SLC9A9: variants seen among roughly 807,000 people sequenced by gnomAD.
The protein encoded by SLC9A9 is sodium/hydrogen exchanger 9.
A neutral mutation model predicts 77.8 loss-of-function variants in SLC9A9; 62 were observed. That is an observed-to-expected ratio of 0.80 (90% CI 0.65 to 0.98). SLC9A9 has a LOEUF of 0.98. Among genes scored for constraint, SLC9A9 ranks in the 50% least tolerant of loss-of-function variants. SLC9A9 has a pLI of 0.00. For missense variants in SLC9A9, 775 were observed against 774.9 expected, an observed-to-expected ratio of 1.00 and a Z score of 0.00; for synonymous variants, 320 against 283.5, an observed-to-expected ratio of 1.13 and a Z score of -1.29.
intron 12 of SLC9A9, among the ~76,000 whole-genome samples, chr3:143,418,602 C>CA (rs1306685666): frequency 5.3e-5 from 8 of 152,198 alleles, no homozygotes; most frequent in East Asian, 3.9e-4. Flanking sequence ...CAGTGTGAAA[C>CA]AAAGTCCTCA....
chr3:143,428,716 T>TA (rs2034451213), intron 12 of SLC9A9, among the ~76,000 whole-genome samples: 1 of 151,662 alleles, frequency 6.6e-6, no homozygotes, highest in Admixed American at 6.6e-5. Context: ...GACAGACACA[T>TA]ACACACACAC....
chr3:143,563,041 C>T (rs1484299739), intron 8 of SLC9A9, among the ~76,000 whole-genome samples: 2 of 152,122 alleles, frequency 1.3e-5, no homozygotes, highest in Non-Finnish European at 2.9e-5. Flanking sequence ...AAAGGATTGA[C>T]TGCAGGGACT....
chr3:143,767,849 G>T (rs1463866558), intron 4 of SLC9A9, among the ~76,000 whole-genome samples: 1 of 152,144 alleles, frequency 6.6e-6, no homozygotes, highest in Non-Finnish European at 1.5e-5. Flanking sequence ...TAAAGAGGAA[G>T]TTTAATGATT....
intron 2 of SLC9A9, among the ~76,000 whole-genome samples, chr3:143,801,963 C>A (rs947103470): frequency 2.0e-5 from 3 of 152,188 alleles, no homozygotes; most frequent in Admixed American, 2.0e-4. Flanking sequence ...CGCTTTACTT[C>A]CAAAAGAAGC....
At chr3:143,506,893 A>G (rs2036028924) in intron 9 of SLC9A9, among the ~76,000 whole-genome samples, 1 of 152,208 alleles carries the variant, frequency 6.6e-6, no homozygotes, top group African/African-American at 2.4e-5. Context: ...CTGTGCAGAA[A>G]TTAAAATCGT....
In SLC9A9 at chr3:143,462,969, C is replaced by T. The variant is rs141368690; in HGVS notation, c.1469+4068G>A. On this transcript the variant is annotated intron_variant, in intron 12 of 15. Coordinates refer to ENST00000316549, the MANE Select transcript of SLC9A9 (RefSeq NM_173653.4). ...GGCAGTTGTCAACCACCCTGGGAAG[C>T]GGCTACTATCATCATCCCCATTTTA... is the stretch of plus-strand genomic sequence containing the variant. 2.8e-3 allele frequency among the ~76,000 whole-genome samples: 426 copies of T among 152,238 alleles called. 1 individual carries two copies. Among genetic ancestry groups the T allele is most frequent in the Middle Eastern group, 0.014 (4 of 292 alleles).
intron 9 of SLC9A9, among the ~76,000 whole-genome samples, chr3:143,548,938 AG>A (rs2036835857): frequency 6.6e-6 from 1 of 152,220 alleles, no homozygotes; most frequent in Non-Finnish European, 1.5e-5. Context: ...TATAACTCAA[AG>A]GTGATTTACA....
At chr3:143,527,920 T>A (rs1219531305) in intron 9 of SLC9A9, among the ~76,000 whole-genome samples, 1 of 152,172 alleles carries the variant, frequency 6.6e-6, no homozygotes, top group Non-Finnish European at 1.5e-5. Context: ...TGGAACAAGG[T>A]GAGAGGCATT....
intron 9 of SLC9A9, among the ~76,000 whole-genome samples, chr3:143,501,980 C>T (rs1198490431): frequency 2.0e-5 from 3 of 150,740 alleles, no homozygotes; most frequent in African/African-American, 7.5e-5. Context: ...ACTTATTGGT[C>T]AATTTTGGAT....
chr3:143,388,941 T>C (rs916083387), intron 12 of SLC9A9, among the ~76,000 whole-genome samples: 1 of 152,112 alleles, frequency 6.6e-6, no homozygotes, highest in Non-Finnish European at 1.5e-5. Context: ...AGTTTAATGG[T>C]AAGAGAAAAG....
intron 4 of SLC9A9, among the ~76,000 whole-genome samples, chr3:143,709,829 A>G (rs1300214990): frequency 6.6e-6 from 1 of 152,178 alleles, no homozygotes; most frequent in African/African-American, 2.4e-5. Context: ...AGAATGTGTC[A>G]TCCACTGAAA....
At chr3:143,662,587 G>T (rs2038995961) in intron 5 of SLC9A9, among the ~76,000 whole-genome samples, 1 of 152,072 alleles carries the variant, frequency 6.6e-6, no homozygotes. Flanking sequence ...GGAAACTCAG[G>T]ACACTCGTGC....
chr3:143,559,392 C>T (rs968274622), intron 8 of SLC9A9, among the ~76,000 whole-genome samples: 4 of 152,160 alleles, frequency 2.6e-5, no homozygotes, highest in South Asian at 2.1e-4. Flanking sequence ...GCTACTGCGA[C>T]GTGTAAGACG....
chr3:143,500,905 T>C (rs1334603644), intron 9 of SLC9A9, among the ~76,000 whole-genome samples: 2 of 150,426 alleles, frequency 1.3e-5, no homozygotes, highest in Non-Finnish European at 2.9e-5. Flanking sequence ...ATAAGAGTTT[T>C]ATAATATTTG....
intron 6 of SLC9A9, among the ~76,000 whole-genome samples, chr3:143,621,862 C>T (rs1040282865): frequency 6.6e-6 from 1 of 151,988 alleles, no homozygotes; most frequent in Non-Finnish European, 1.5e-5. Context: ...AGTTAAAAAC[C>T]TTGAAAAAAA....
chr3:143,469,785 A>G (rs1346642848), intron 11 of SLC9A9, among the ~76,000 whole-genome samples: 1 of 152,246 alleles, frequency 6.6e-6, no homozygotes, highest in Non-Finnish European at 1.5e-5. Flanking sequence ...AAGGAACAAA[A>G]TGTAATGGAG....
intron 12 of SLC9A9, among the ~76,000 whole-genome samples, chr3:143,414,969 G>A (rs1000365139): frequency 5.9e-5 from 9 of 152,198 alleles, no homozygotes; most frequent in African/African-American, 9.7e-5. Flanking sequence ...GGAACACACC[G>A]ATGGCAAGAA....
At chr3:143,375,463 A>G (rs2033161628) in intron 13 of SLC9A9, among the ~76,000 whole-genome samples, 1 of 152,264 alleles carries the variant, frequency 6.6e-6, no homozygotes, top group South Asian at 2.1e-4. Flanking sequence ...CTCAGCCTCA[A>G]GAAACCTTGC....
chr3:143,363,488 G>T lies in SLC9A9; in HGVS notation c.1600C>A (p.His534Asn). ...RLFRMWYSFD[H>N]KYLKPILTHS... Reference sequence around the variant, plus strand: ...ATCGTTATTATCAAAGGATACTTGTGGTCAAAGCTATACCACATTCTGAAG... The same window carrying T: ...ATCGTTATTATCAAAGGATACTTGTTGTCAAAGCTATACCACATTCTGAAG... Residue 534 changes from histidine to asparagine, a missense_variant, in exon 14 of 16, where the codon CAC (histidine) becomes AAC (asparagine). His to Asn is a moderately conservative substitution (Grantham distance 68). Transcript: ENST00000316549. 1 of 1,612,500 alleles carries T rather than the reference G, an allele frequency of 6.2e-7. No homozygotes were observed.
Sources: gnomAD v4.1 joint callset for allele counts (sites outside exome capture counted in the v4.1 genomes callset) on GRCh38, gnomAD v4.1.1 for gene constraint, MANE v1.5 for transcripts, NCBI Gene and HGNC (gene_info 2026-07-23, HGNC 2026-07-21) for gene names.